SP140: variants seen among roughly 807,000 people sequenced by gnomAD.
The protein encoded by SP140 is SP140 nuclear body protein.
Under a neutral mutation model 125.0 loss-of-function variants are expected in SP140, and 81 were observed. That is an observed-to-expected ratio of 0.65 (90% CI 0.54 to 0.78). The LOEUF (loss-of-function observed/expected upper bound fraction) is 0.78, where lower values mean the gene tolerates loss of function less well. Among genes scored for constraint, SP140 ranks in the 30% least tolerant of loss-of-function variants. The pLI is 0.00. For synonymous variants in SP140, 312 were observed against 354.0 expected, an observed-to-expected ratio of 0.88 and a Z score of 1.33; for missense variants, 858 against 1,037.0, an observed-to-expected ratio of 0.83 and a Z score of 2.37.
chr2:230,198,649 C>T (rs1174347341), upstream of SP140, among the ~76,000 whole-genome samples: 1 of 152,014 alleles, frequency 6.6e-6, no homozygotes, highest in Non-Finnish European at 1.5e-5. Context: ...GGCTGGAGTG[C>T]AGTGGCATGA....
At chr2:230,255,069 CAG>C (rs1350360200) in intron 11 of SP140, among the ~76,000 whole-genome samples, 1 of 151,980 alleles carries the variant, frequency 6.6e-6, no homozygotes, top group Non-Finnish European at 1.5e-5. Context: ...AGAGCAGAGT[CAG>C]GGGTGCAAGA....
chr2:230,225,961 AC>A, intron 1 of SP140, 58 bp downstream of exon 1: 1 of 1,386,224 alleles, frequency 7.2e-7, no homozygotes, highest in Non-Finnish European at 1.0e-6. Context: ...TCCCTTTCAT[AC>A]TTGTTATTTA....
chr2:230,244,427 G>A (rs2049128291), intron 5 of SP140, among the ~76,000 whole-genome samples: 1 of 152,220 alleles, frequency 6.6e-6, no homozygotes, highest in Non-Finnish European at 1.5e-5. Flanking sequence ...ATGGTTGTGT[G>A]AATTTGGCAG....
chr2:230,302,707 A>G (rs1023248521), intron 22 of SP140, among the ~76,000 whole-genome samples: 2 of 152,146 alleles, frequency 1.3e-5, no homozygotes, highest in Non-Finnish European at 2.9e-5. Flanking sequence ...TATAGCAAGT[A>G]CTCTCTCAGA....
intron 12 of SP140, among the ~76,000 whole-genome samples, chr2:230,267,699 C>T (rs2053335524): frequency 6.6e-6 from 1 of 152,108 alleles, no homozygotes; most frequent in African/African-American, 2.4e-5. Context: ...CAAAGACAAT[C>T]CCGTGACAAA....
intron 22 of SP140, among the ~76,000 whole-genome samples, chr2:230,299,261 G>A (rs1436576449): frequency 3.3e-5 from 5 of 152,194 alleles, no homozygotes; most frequent in Admixed American, 1.3e-4. Context: ...AAAACCGTGA[G>A]TCCTCAAAGT....
chr2:230,283,163 C>T (rs987290881), intron 15 of SP140, among the ~76,000 whole-genome samples: 2 of 152,126 alleles, frequency 1.3e-5, no homozygotes, highest in Non-Finnish European at 2.9e-5. Context: ...GAGGCGGGAG[C>T]GCTGGAGTAG....
intron 12 of SP140, among the ~76,000 whole-genome samples, chr2:230,266,377 C>A (rs1356699069): frequency 1.3e-5 from 2 of 152,124 alleles, no homozygotes; most frequent in South Asian, 2.1e-4. Flanking sequence ...TAGAGGTGAC[C>A]TATGCATCAG....
At chr2:230,303,201 C>A (rs1306324840) in intron 22 of SP140, among the ~76,000 whole-genome samples, 1 of 151,982 alleles carries the variant, frequency 6.6e-6, no homozygotes, top group East Asian at 1.9e-4. Context: ...TCCAAATAAG[C>A]CCAATTAGAA....
At chr2:230,200,747 GAAA>G (rs201134486), upstream of SP140, 1 of 707,396 alleles carries the variant, frequency 1.4e-6, no homozygotes, top group African/African-American at 1.9e-5. Flanking sequence ...TCTTGATTAA[GAAA>G]AAAAAATCCA....
intron 3 of SP140, among the ~76,000 whole-genome samples, chr2:230,214,376 C>T (rs1175905600): frequency 6.6e-6 from 1 of 152,090 alleles, no homozygotes; most frequent in Admixed American, 6.5e-5. Context: ...AAATCTTGGG[C>T]CCTGGTATTG....
At chr2:230,212,528 A>G in intron 1 of SP140, 2 of 1,111,660 alleles carry the variant, frequency 1.8e-6, no homozygotes, top group East Asian at 2.4e-5. Context: ...GCATCAAGGC[A>G]CAAGGGCAGA....
At chr2:230,241,364 C>G in intron 3 of SP140, 40 bp from the exon 4 acceptor site, 1 of 1,258,610 alleles carries the variant, frequency 7.9e-7, no homozygotes, top group Non-Finnish European at 1.2e-6. Context: ...CTCCTCTGGT[C>G]ACTGTCTGAG....
At chr2:230,262,142 T>A (rs998709067) in intron 12 of SP140, among the ~76,000 whole-genome samples, 3 of 152,214 alleles carry the variant, frequency 2.0e-5, no homozygotes, top group Non-Finnish European at 4.4e-5. Flanking sequence ...GTTACTGGTC[T>A]GTTCAAGGTA....
upstream of SP140, among the ~76,000 whole-genome samples, chr2:230,200,173 A>G (rs971686868): frequency 6.6e-6 from 1 of 152,214 alleles, no homozygotes; most frequent in Non-Finnish European, 1.5e-5. Flanking sequence ...TCCTGACAAT[A>G]ATTAGATATT....
chr2:230,202,597 G>C (rs199938221), upstream of SP140: 10 of 1,614,032 alleles, frequency 6.2e-6, no homozygotes, highest in Middle Eastern at 1.6e-4. Flanking sequence ...CTCGACTTTC[G>C]GGCACATTCA....
chr2:230,245,165 C>A, intron 6 of SP140, 85 bp downstream of exon 6: 2 of 853,100 alleles, frequency 2.3e-6, no homozygotes, highest in Non-Finnish European at 3.8e-6. Flanking sequence ...CTCTCCACCA[C>A]CAACCCTGTA....
In SP140 at chr2:230,270,684, GT is replaced by G. The variant is rs1172215851; in HGVS notation, c.1498+50del. 5.4e-6 allele frequency: 8 copies of G among 1,487,328 alleles called. No homozygotes were observed. The Admixed American group carries it at 1.2e-4, about 23-fold the overall frequency. The allele number at this position is 1,487,328 out of a possible 1,614,324, so 92.1% of individuals were successfully genotyped here. ...TATTTGCTTTTGGTATTACAAATAC[GT>G]TTTTAATGCCAGAGTTTTAATTTTG... On this transcript the variant is annotated intron_variant, in intron 15 of 26. Coordinates refer to ENST00000392045, the MANE Select transcript of SP140 (RefSeq NM_007237.5).
At chr2:230,240,867 G>A (rs2048626325) in intron 3 of SP140, among the ~76,000 whole-genome samples, 1 of 152,150 alleles carries the variant, frequency 6.6e-6, no homozygotes, top group Admixed American at 6.5e-5. Context: ...GTTTATGGCA[G>A]CCTTATTCAT....
Sources: allele counts gnomAD v4.1 joint callset (sites outside exome capture counted in the v4.1 genomes callset), GRCh38; gene constraint gnomAD v4.1.1; transcripts MANE v1.5; gene names NCBI Gene and HGNC (gene_info 2026-07-23, HGNC 2026-07-21).